Variants in MEIS1 observed in about 807,000 individuals in gnomAD.
MEIS1 encodes Meis homeobox 1.
MEIS1 carries 5 observed loss-of-function variants against 50.8 expected under a neutral mutation model. That is an observed-to-expected ratio of 0.10 (90% CI 0.05 to 0.21). The LOEUF (loss-of-function observed/expected upper bound fraction) is 0.21, where lower values mean the gene tolerates loss of function less well. MEIS1 is among the 10% of genes least tolerant of loss of function. The pLI is 1.00. For missense variants in MEIS1, 318 were observed against 517.3 expected (o/e 0.61, Z 3.74); for synonymous variants, 176 against 179.3 (o/e 0.98, Z 0.15).
chr2:66,548,098 GAC>G, intron 9 of MEIS1, 79 bp downstream of exon 9: 1 of 1,397,942 alleles, frequency 7.2e-7, no homozygotes, highest in Admixed American at 1.9e-5. Context: ...GCATTAAGAA[GAC>G]ACACCCAGTT....
chr2:66,478,874 T>A (rs956844260), intron 7 of MEIS1, among the ~76,000 whole-genome samples: 4 of 152,180 alleles, frequency 2.6e-5, no homozygotes, highest in Non-Finnish European at 5.9e-5. Flanking sequence ...TTTCTTTGGA[T>A]GGTACTCTGC....
chr2:66,448,949 AT>A (rs1307951745), intron 6 of MEIS1, among the ~76,000 whole-genome samples: 2 of 152,072 alleles, frequency 1.3e-5, no homozygotes. Flanking sequence ...AGCATTTTAC[AT>A]GGCCTTTTGT....
intron 8 of MEIS1, among the ~76,000 whole-genome samples, chr2:66,522,048 T>C (rs943081473): frequency 6.6e-6 from 1 of 152,208 alleles, no homozygotes; most frequent in African/African-American, 2.4e-5. Context: ...TTCAGAAACA[T>C]GCAAGGCATT....
rs1170972150 is a variant in MEIS1, at chr2:66,573,389, A to G, written c.*2181A>G. On this transcript the variant is annotated 3_prime_UTR_variant, in exon 13 of 13. Transcript: ENST00000272369. ...TTTAATTAAGGCAAATTCGTTTTAA[A>G]AAATAAGCCTTTCAGTAGTGATTGC... is the stretch of plus-strand genomic sequence containing the variant. 6.6e-6 allele frequency: 1 copy of G among 152,258 alleles called. No homozygotes were observed. Among genetic ancestry groups the G allele is most frequent in the Non-Finnish European group, 1.5e-5 (1 of 68,048 alleles). The allele number at this position is 152,258 out of a possible 1,614,324, so 9.4% of individuals were successfully genotyped here. A position where few individuals can be genotyped will look rare whatever the true frequency, so the allele number is the denominator to read the frequency against.
At chr2:66,506,939 T>G (rs1673697528) in intron 7 of MEIS1, among the ~76,000 whole-genome samples, 1 of 152,186 alleles carries the variant, frequency 6.6e-6, no homozygotes, top group Non-Finnish European at 1.5e-5. Context: ...TGATGGGGTG[T>G]TTGTGTCAGC....
chr2:66,438,030 G>C, intron 2 of MEIS1, 67 bp downstream of exon 2: 1 of 1,362,272 alleles, frequency 7.3e-7, no homozygotes, highest in Non-Finnish European at 1.0e-6. Context: ...TGTGCCCTTG[G>C]TAAGAGGAAA....
chr2:66,524,223 A>G (rs1288781787), intron 8 of MEIS1, among the ~76,000 whole-genome samples: 1 of 152,188 alleles, frequency 6.6e-6, no homozygotes, highest in Non-Finnish European at 1.5e-5. Flanking sequence ...ATGACAAAGC[A>G]GGCATGGTCC....
In MEIS1 at chr2:66,512,537, A is replaced by T. The variant is rs146140136; in HGVS notation, c.888+243A>T. 3.5e-4 allele frequency among the ~76,000 whole-genome samples: 53 copies of T among 152,300 alleles called. No homozygotes were observed. The East Asian group carries it at 9.1e-3, about 26-fold the overall frequency. The stretch of plus-strand genomic sequence containing the variant: ...CATAAGTTAAAAGATTTAGGTGTTC[A>T]TGTGCACTTGTGATTTTAAGTATGT... On this transcript the variant is annotated intron_variant, in intron 8 of 12. Transcript: ENST00000272369.
intron 8 of MEIS1, among the ~76,000 whole-genome samples, chr2:66,533,773 G>T (rs4316931): frequency 0.21 from 31,562 of 152,076 alleles, 4,068 homozygotes; most frequent in Non-Finnish European, 0.27. Context: ...CATGGGGCCC[G>T]TCTATGTGGG....
chr2:66,439,665 A>C, intron 2 of MEIS1, 178 bp from the exon 3 acceptor site: 1 of 1,539,108 alleles, frequency 6.5e-7, no homozygotes, highest in South Asian at 1.2e-5. Context: ...TCCAGGAGGA[A>C]GGGGAGGTGA....
At chr2:66,542,449 A>G (rs923882802) in intron 8 of MEIS1, among the ~76,000 whole-genome samples, 1 of 150,868 alleles carries the variant, frequency 6.6e-6, no homozygotes, top group Non-Finnish European at 1.5e-5. Context: ...CAGCCAAGCA[A>G]CAGAACATTG....
intron 7 of MEIS1, among the ~76,000 whole-genome samples, chr2:66,483,015 A>G (rs1673054408): frequency 6.6e-6 from 1 of 152,244 alleles, no homozygotes; most frequent in African/African-American, 2.4e-5. Flanking sequence ...TGGAAGTAGT[A>G]TTAGTACCTA....
intron 6 of MEIS1, chr2:66,454,695 T>C (rs1672349268): frequency 6.6e-6 from 1 of 152,118 alleles, no homozygotes; most frequent in Non-Finnish European, 1.5e-5. Flanking sequence ...TATTTTATCT[T>C]AATTTGTTTG....
At chr2:66,463,573 T>G (rs972658935) in intron 6 of MEIS1, among the ~76,000 whole-genome samples, 14 of 152,174 alleles carry the variant, frequency 9.2e-5, no homozygotes, top group African/African-American at 3.4e-4. Context: ...CATTCCTTTT[T>G]TGTGCCTATG....
At chr2:66,446,493 C>G (rs377255344) in intron 6 of MEIS1, among the ~76,000 whole-genome samples, 27 of 152,258 alleles carry the variant, frequency 1.8e-4, no homozygotes, top group African/African-American at 6.3e-4. Context: ...GGTCTGTGCT[C>G]GGGCCTCAGC....
In MEIS1 at chr2:66,516,251, G is replaced by A. The variant is rs57602542; in HGVS notation, c.888+3957G>A. On this transcript the variant is annotated intron_variant, in intron 8 of 12. Transcript: ENST00000272369. The stretch of plus-strand genomic sequence containing the variant: ...CTATATTTTCCTGCATGGAGCTCCC[G>A]TGCTTCCAGGAATACTGAAAGTTAG... Among the ~76,000 whole-genome samples the A allele has an allele frequency of 9.2e-5, 14 of 152,218 alleles. No individual in the cohort carries two copies. In the East Asian group the frequency reaches 2.1e-3, roughly 23 times the overall value.
At chr2:66,466,268 C>T (rs1672632887) in intron 7 of MEIS1, among the ~76,000 whole-genome samples, 1 of 152,178 alleles carries the variant, frequency 6.6e-6, no homozygotes, top group Non-Finnish European at 1.5e-5. Context: ...TTCCTCATCT[C>T]TCTACTAAAA....
At position 66,571,590 on chromosome 2, in the gene MEIS1, T is replaced by A. The variant is rs957447849; in HGVS notation, c.*382T>A. ...ATTTCAAATCATGTTTTTTCTGCAATGACTGTGGAGTTCCATTCTTGGCAT... is the reference window on the plus strand; with the variant it reads ...ATTTCAAATCATGTTTTTTCTGCAAAGACTGTGGAGTTCCATTCTTGGCAT... On this transcript the variant is annotated 3_prime_UTR_variant, in exon 13 of 13. Transcript: ENST00000272369. 2 of 1,538,592 alleles carry A rather than the reference T, an allele frequency of 1.3e-6. No homozygotes were observed. Among genetic ancestry groups the A allele is most frequent in the African/African-American group, 2.7e-5 (2 of 72,766 alleles).
chr2:66,510,298 T>A (rs1673794717), intron 7 of MEIS1, among the ~76,000 whole-genome samples: 1 of 151,976 alleles, frequency 6.6e-6, no homozygotes, highest in African/African-American at 2.4e-5. Context: ...AAATAAAGAG[T>A]TTGGTTGGGT....
Sources: allele counts gnomAD v4.1 joint callset (sites outside exome capture counted in the v4.1 genomes callset), GRCh38; gene constraint gnomAD v4.1.1; transcripts MANE v1.5; gene names NCBI Gene and HGNC (gene_info 2026-07-23, HGNC 2026-07-21).